DOCK1: variants seen among roughly 807,000 people sequenced by gnomAD.
The protein encoded by DOCK1 is dedicator of cytokinesis 1, also known as dedicator of cytokinesis protein 1.
Under a neutral mutation model 262.7 loss-of-function variants are expected in DOCK1, and 138 were observed. The ratio of observed to expected loss-of-function variants is 0.53; its 90% CI spans 0.46 to 0.61. The LOEUF is 0.61. Among genes scored for constraint, DOCK1 ranks in the 20% least tolerant of loss-of-function variants. The pLI, the probability that DOCK1 is intolerant of heterozygous loss-of-function variation, is 0.00. For synonymous variants in DOCK1, 866 were observed against 867.4 expected (o/e 1.00, Z 0.03); for missense variants, 1,908 against 2,370.7 (o/e 0.80, Z 4.05).
intron 31 of DOCK1, among the ~76,000 whole-genome samples, chr10:127,347,409 C>T (rs1049939692): frequency 1.3e-5 from 2 of 152,222 alleles, no homozygotes; most frequent in Admixed American, 6.5e-5. Context: ...CCGTGGGGCT[C>T]AGCCGTGGGA....
chr10:126,986,615 G>T (rs1379471790), intron 4 of DOCK1, among the ~76,000 whole-genome samples: 1 of 152,192 alleles, frequency 6.6e-6, no homozygotes, highest in Non-Finnish European at 1.5e-5. Flanking sequence ...AATGAGTTAA[G>T]AATAAGTCAA....
At position 127,451,437 on chromosome 10, in the gene DOCK1, C is replaced by G. The variant is rs2229606; in HGVS notation, c.*10C>G. On this transcript the variant is annotated 3_prime_UTR_variant, in exon 52 of 52. Coordinates refer to ENST00000623213, the MANE Select transcript of DOCK1 (RefSeq NM_001290223.2). Reference sequence around the variant, plus strand: ...CGGGATCGTGCAGTGACGTCGCAAGCCTCTCTGGAAAGAGTGTGCTGCCCC... The same window carrying G: ...CGGGATCGTGCAGTGACGTCGCAAGGCTCTCTGGAAAGAGTGTGCTGCCCC... 1,494,114 of 1,565,588 alleles carry G rather than the reference C, an allele frequency of 0.95. 717,346 individuals carry two copies. The highest frequency in any genetic ancestry group is 0.98 in the Non-Finnish European group (1,127,266 of 1,155,508).
chr10:127,018,638 A>G (rs989106835), intron 12 of DOCK1, 72 bp from the exon 13 acceptor site: 6 of 1,605,728 alleles, frequency 3.7e-6, no homozygotes, highest in Non-Finnish European at 4.3e-6. Context: ...CATTCATTGA[A>G]ATTGGTTTCG....
intron 27 of DOCK1, among the ~76,000 whole-genome samples, chr10:127,145,606 A>C (rs893852679): frequency 2.0e-5 from 3 of 152,146 alleles, no homozygotes; most frequent in Admixed American, 6.5e-5. Context: ...CCCATGACCC[A>C]GGGCCATCAC....
In DOCK1 at chr10:127,444,262, G is replaced by A. The variant is rs749997656; in HGVS notation, c.5396G>A (p.Ser1799Asn). ...CCAGTTACACCAAGGGCCAAGCTCA[G>A]CTTCAGCATGCAGTCGAGTAAGTGG... ...PPPVTPRAKL[S>N]FSMQSSLELN... Residue 1799 changes from serine to asparagine, a missense_variant, in exon 50 of 52, where the codon AGC (serine) becomes AAC (asparagine). By Grantham distance (46) the Ser-to-Asn change is conservative. Coordinates refer to ENST00000623213, the MANE Select transcript of DOCK1 (RefSeq NM_001290223.2). The A allele has an allele frequency of 6.2e-7, 1 of 1,608,794 alleles. No individual in the cohort carries two copies. Among genetic ancestry groups the A allele is most frequent in the South Asian group, 1.1e-5 (1 of 90,610 alleles).
At chr10:126,931,347 G>A (rs1453086248) in intron 1 of DOCK1, among the ~76,000 whole-genome samples, 1 of 152,172 alleles carries the variant, frequency 6.6e-6, no homozygotes, top group Admixed American at 6.5e-5. Context: ...GTGCAGCTGT[G>A]AGGTTTGGAG....
chr10:127,418,493 C>A lies in DOCK1; in HGVS notation c.4644C>A (p.Asn1548Lys). The change falls in exon 45 of 52, where the codon AAC becomes AAA. Residue 1548 changes from asparagine (N) to lysine (K), a missense_variant. Coordinates refer to ENST00000623213, the MANE Select transcript of DOCK1 (RefSeq NM_001290223.2). ...LPINPLSMLL[N>K]GIVDPAVMGG... is the part of the protein sequence containing the mutation. ...TCAACCCGCTCTCCATGCTCCTGAA[C>A]GGCATCGTGGACCCAGCTGTCATGG... 2 of 1,614,146 alleles carry A rather than the reference C, an allele frequency of 1.2e-6. No homozygotes were observed. Among genetic ancestry groups the A allele is most frequent in the African/African-American group, 1.3e-5 (1 of 75,064 alleles).
intron 38 of DOCK1, among the ~76,000 whole-genome samples, chr10:127,395,693 C>T (rs1258101557): frequency 1.3e-5 from 2 of 152,012 alleles, no homozygotes; most frequent in African/African-American, 2.4e-5. Context: ...GAGCCAGAGA[C>T]GAGACGAGGG....
At chr10:127,447,350 C>T (rs1188550203) in intron 50 of DOCK1, 44 bp from the exon 51 acceptor site, 7 of 1,587,548 alleles carry the variant, frequency 4.4e-6, no homozygotes, top group Admixed American at 3.6e-5. Flanking sequence ...ATTCAGGCTC[C>T]GTGGGGAAGT....
At chr10:126,910,199 ATAT>A (rs2031562066) in intron 1 of DOCK1, among the ~76,000 whole-genome samples, 1 of 152,258 alleles carries the variant, frequency 6.6e-6, no homozygotes, top group African/African-American at 2.4e-5. Flanking sequence ...AAATCAGGGC[ATAT>A]TATATTTCTA....
intron 27 of DOCK1, among the ~76,000 whole-genome samples, chr10:127,180,489 G>T (rs1409467661): frequency 6.6e-6 from 1 of 152,182 alleles, no homozygotes; most frequent in Non-Finnish European, 1.5e-5. Flanking sequence ...GGTTGTGCCT[G>T]TTTGGCTCGA....
At chr10:127,296,070 G>T (rs1336920566) in intron 29 of DOCK1, among the ~76,000 whole-genome samples, 1 of 152,066 alleles carries the variant, frequency 6.6e-6, no homozygotes, top group Non-Finnish European at 1.5e-5. Context: ...CTTTCCTCTG[G>T]TCTGAAATGA....
chr10:127,145,789 C>T (rs2051765215), intron 27 of DOCK1: 2 of 316,092 alleles, frequency 6.3e-6, no homozygotes, highest in Non-Finnish European at 1.2e-5. Context: ...CATCCTGATA[C>T]CCATTGAGAG....
intron 23 of DOCK1, among the ~76,000 whole-genome samples, chr10:127,066,669 G>A (rs141161586): frequency 2.0e-4 from 31 of 152,322 alleles, no homozygotes; most frequent in African/African-American, 7.0e-4. Flanking sequence ...CCCAATCAGT[G>A]GTTGATAGAA....
rs552400835 is a variant in DOCK1 at position 126,991,794 on chromosome 10, G to T, written c.473+1191G>T. On this transcript the variant is annotated intron_variant, in intron 6 of 51. Transcript: ENST00000623213. ...TCCACCCGCCTTGGCATCACAAAGTGCCAGGATTACATGCGAGAGCCACTG... is the reference window on the plus strand; with the variant it reads ...TCCACCCGCCTTGGCATCACAAAGTTCCAGGATTACATGCGAGAGCCACTG... Among the ~76,000 whole-genome samples the T allele has an allele frequency of 2.6e-5, 4 of 152,242 alleles. No individual in the cohort carries two copies. The South Asian group carries it at 8.3e-4, about 32-fold the overall frequency.
At chr10:127,294,943 A>G (rs2061458369) in intron 29 of DOCK1, among the ~76,000 whole-genome samples, 1 of 152,198 alleles carries the variant, frequency 6.6e-6, no homozygotes, top group Non-Finnish European at 1.5e-5. Flanking sequence ...CACCTGGCCA[A>G]GTTGTCCTAT....
chr10:127,266,694 T>C (rs2135126613), intron 29 of DOCK1, among the ~76,000 whole-genome samples: 1 of 152,264 alleles, frequency 6.6e-6, no homozygotes, highest in African/African-American at 2.4e-5. Context: ...CTCTGAGAAT[T>C]TGGGGTGAAA....
At chr10:127,340,838 C>A (rs967797782) in intron 30 of DOCK1, among the ~76,000 whole-genome samples, 1 of 152,122 alleles carries the variant, frequency 6.6e-6, no homozygotes, top group African/African-American at 2.4e-5. Context: ...GCTGTGAATT[C>A]TCTGATCATT....
At chr10:127,369,805 T>G (rs1312231916) in intron 33 of DOCK1, among the ~76,000 whole-genome samples, 1 of 152,148 alleles carries the variant, frequency 6.6e-6, no homozygotes, top group Non-Finnish European at 1.5e-5. Flanking sequence ...CACCGATTAA[T>G]TAGTGTGTAA....
Sources: gnomAD v4.1 joint callset for allele counts (sites outside exome capture counted in the v4.1 genomes callset) on GRCh38, gnomAD v4.1.1 for gene constraint, MANE v1.5 for transcripts, NCBI Gene and HGNC (gene_info 2026-07-23, HGNC 2026-07-21) for gene names.